The following GTF3C4 variants were observed in gnomAD, a reference collection of about 807,000 sequenced individuals.
The protein encoded by GTF3C4 is general transcription factor 3C polypeptide 4.
GTF3C4 carries 28 observed loss-of-function variants against 67.5 expected under a neutral mutation model. The ratio of observed to expected loss-of-function variants is 0.41; its 90% CI spans 0.31 to 0.57. The LOEUF (loss-of-function observed/expected upper bound fraction) is 0.57. Among genes scored for constraint, GTF3C4 ranks in the 20% least tolerant of loss-of-function variants. The pLI, the probability that GTF3C4 is intolerant of heterozygous loss-of-function variation, is 0.21. For missense variants in GTF3C4, 831 were observed against 1,033.2 expected, an observed-to-expected ratio of 0.80 and a Z score of 2.68; for synonymous variants, 409 against 393.0, an observed-to-expected ratio of 1.04 and a Z score of -0.48.
chr9:132,670,361 G>C, upstream of GTF3C4: 1 of 1,335,806 alleles, frequency 7.5e-7, no homozygotes, highest in Non-Finnish European at 9.8e-7. Context: ...CCTGGGCAGG[G>C]AAAAGGGGGT....
At chr9:132,682,101 TAAA>T (rs1271067455) in intron 2 of GTF3C4, among the ~76,000 whole-genome samples, 1 of 151,868 alleles carries the variant, frequency 6.6e-6, no homozygotes, top group Non-Finnish European at 1.5e-5. Flanking sequence ...GACCCTGTCT[TAAA>T]AAGGAAAAAG....
At chr9:132,675,573 T>C (rs1166999365) in intron 1 of GTF3C4, among the ~76,000 whole-genome samples, 1 of 152,182 alleles carries the variant, frequency 6.6e-6, no homozygotes, top group Non-Finnish European at 1.5e-5. Flanking sequence ...GGCTCTGTTG[T>C]TTAAAAAGGC....
chr9:132,675,422 A>G (rs1211171401), intron 1 of GTF3C4, among the ~76,000 whole-genome samples: 2 of 152,198 alleles, frequency 1.3e-5, no homozygotes, highest in Non-Finnish European at 2.9e-5. Context: ...TTCTCCAGCA[A>G]GTTTCATAGT....
At chr9:132,688,719 C>T (rs992534400) in intron 4 of GTF3C4, among the ~76,000 whole-genome samples, 162 bp from the exon 5 acceptor site, 3 of 152,124 alleles carry the variant, frequency 2.0e-5, no homozygotes, top group Admixed American at 6.6e-5. Context: ...TGATAGAAAC[C>T]GAAGCCCAAA....
intron 4 of GTF3C4, among the ~76,000 whole-genome samples, chr9:132,687,573 C>T (rs1393037038): frequency 2.6e-5 from 4 of 152,156 alleles, no homozygotes; most frequent in African/African-American, 7.2e-5. Context: ...AGTTTGTCTG[C>T]GTTGCTATTC....
In GTF3C4 at chr9:132,673,115, G is replaced by A. The variant is rs368204665; in HGVS notation, c.357+2160G>A. ...GGAGAATGGCGTGAATCCGGGAGGC[G>A]GAGCTTGCTATGAGCCAAGATTGCG... is the stretch of plus-strand genomic sequence containing the variant. On this transcript the variant is annotated intron_variant, in intron 1 of 4. Coordinates refer to ENST00000372146, the MANE Select transcript of GTF3C4 (RefSeq NM_012204.4). 4.3e-4 allele frequency among the ~76,000 whole-genome samples: 65 copies of A among 152,276 alleles called. 1 individual carries two copies. In the East Asian group the frequency reaches 0.01, roughly 24 times the overall value.
rs1461038862 is a variant in GTF3C4 at position 132,687,230 on chromosome 9, T to TG, written c.2316-9_2316-8insG. 3.2e-6 allele frequency: 5 copies of TG among 1,544,710 alleles called. No homozygotes were observed. The Admixed American group carries it at 6.7e-5, about 21-fold the overall frequency. On this transcript the variant is annotated splice_polypyrimidine_tract_variant and intron_variant, in intron 3 of 4. Coordinates refer to ENST00000372146, the MANE Select transcript of GTF3C4 (RefSeq NM_012204.4). ...CTCTCCCTTGCCAATACAGTCTGTC[T>TG]TCTTTCAGGTGCTTCTTAACCTACC...
Position 132,689,643 on chromosome 9 carries a change from T to C in GTF3C4, c.*698T>C, listed in dbSNP as rs1236521027. On this transcript the variant is annotated 3_prime_UTR_variant, in exon 5 of 5. Transcript: ENST00000372146. ...TCATTCTCTCCTGGGTCATCAGGTT[T>C]CCTGACCCAACTCCTTAATCCGTAT... 6.6e-6 allele frequency: 1 copy of C among 152,270 alleles called. No individual in the cohort carries two copies. Among genetic ancestry groups the C allele is most frequent in the Non-Finnish European group, 1.5e-5 (1 of 68,090 alleles). 9.4% of individuals were successfully genotyped at this position (152,270 alleles called of 1,614,324 possible).
In GTF3C4 at chr9:132,678,875, C is replaced by G. The variant is rs1835901806; in HGVS notation, c.1256C>G (p.Thr419Arg). 1 of 1,614,080 alleles carries G rather than the reference C, an allele frequency of 6.2e-7. No homozygotes were observed. The highest frequency in any genetic ancestry group is 1.3e-5 in the African/African-American group (1 of 74,938). The change falls in exon 2 of 5, where the codon ACA (threonine) becomes AGA (arginine). Residue 419 changes from threonine (T) to arginine (R), a missense_variant. Thr to Arg is a moderately conservative substitution (Grantham distance 71, BLOSUM62 -1). Transcript: ENST00000372146. This position sits in a 1 kb window ranked among gnomAD's most constrained non-coding sequence, Gnocchi z 6.5. The stretch of plus-strand genomic sequence containing the variant: ...CTGAATGTTCACAATTCCCATGTCA[C>G]AGGCCTTCACTCACTGCCAATTGTC... ...AGLNVHNSHV[T>R]GLHSLPIVSM...
In GTF3C4 at chr9:132,670,846, C is replaced by T; in HGVS notation, c.248C>T (p.Ala83Val). ...SEDHRVSVST[A>V]RSIAVLELIC... ...GACCACCGCGTGTCTGTGTCCACGG[C>T]CCGCAGCATCGCTGTGCTGGAGCTC... The change falls in exon 1 of 5, where the codon GCC becomes GTC. Residue 83 changes from alanine (A) to valine (V), a missense_variant. Ala to Val is a moderately conservative substitution (Grantham distance 64, BLOSUM62 0). This residue lies in a region of GTF3C4 where 237 missense variants were observed against 212.7 expected (regional missense o/e 1.11). Coordinates refer to ENST00000372146, the MANE Select transcript of GTF3C4 (RefSeq NM_012204.4). 1.2e-6 allele frequency: 2 copies of T among 1,611,146 alleles called. No homozygotes were observed. Among genetic ancestry groups the T allele is most frequent in the Non-Finnish European group, 1.7e-6 (2 of 1,179,730 alleles).
chr9:132,679,365 G>A lies in GTF3C4; in HGVS notation c.1746G>A (p.Arg582=). ...YFWRFKLFLL[R]ILYQSMQKTP... ...GGCGTTTTAAGCTTTTCCTCCTGAG[G>A]ATTTTATATCAGTCAATGCAGAAAA... The change falls in exon 2 of 5, where the codon AGG becomes AGA. Residue 582 remains arginine, a synonymous_variant. Transcript: ENST00000372146. This position sits in a 1 kb window ranked among gnomAD's most constrained non-coding sequence, Gnocchi z 5.9. 1 of 1,614,172 alleles carries A rather than the reference G, an allele frequency of 6.2e-7. No homozygotes were observed. The highest frequency in any genetic ancestry group is 8.5e-7 in the Non-Finnish European group (1 of 1,180,022).
chr9:132,673,871 CAATG>C (rs1216008069), intron 1 of GTF3C4, among the ~76,000 whole-genome samples: 1 of 152,120 alleles, frequency 6.6e-6, no homozygotes, highest in African/African-American at 2.4e-5. Context: ...ATCTGAAAAG[CAATG>C]AAATAGTGAT....
intron 1 of GTF3C4, 126 bp from the exon 2 acceptor site, chr9:132,677,851 C>T (rs1835884091): frequency 6.6e-6 from 5 of 757,384 alleles, no homozygotes; most frequent in Non-Finnish European, 1.1e-5. Context: ...ATCTCTCTTG[C>T]ATATATTAAT....
chr9:132,683,488 C>T (rs1349042592), intron 2 of GTF3C4, 75 bp from the exon 3 acceptor site: 17 of 1,304,452 alleles, frequency 1.3e-5, no homozygotes, highest in Non-Finnish European at 1.8e-5. Context: ...TTAATTTTCC[C>T]TTTGTGTTTG....
At chr9:132,688,148 T>G (rs931056657) in intron 4 of GTF3C4, among the ~76,000 whole-genome samples, 11 of 152,318 alleles carry the variant, frequency 7.2e-5, no homozygotes, top group African/African-American at 2.6e-4. Context: ...AAGAGAAGGG[T>G]ATAATAAACC....
intron 3 of GTF3C4, among the ~76,000 whole-genome samples, chr9:132,685,947 T>C (rs956503637): frequency 2.6e-5 from 4 of 152,200 alleles, no homozygotes; most frequent in Admixed American, 6.5e-5. Context: ...CTGACGAATA[T>C]TGAAGGCAAA....
intron 1 of GTF3C4, 34 bp downstream of exon 1, chr9:132,670,989 C>T (rs777679315): frequency 1.1e-5 from 15 of 1,420,368 alleles, no homozygotes; most frequent in Middle Eastern, 3.5e-4. Context: ...GGGGTCTTCC[C>T]CTGTCCCCCT....
chr9:132,677,274 C>T (rs147676761), intron 1 of GTF3C4, among the ~76,000 whole-genome samples: 2,523 of 152,188 alleles, frequency 0.017, 83 homozygotes, highest in African/African-American at 0.058. Context: ...TGGTGGTGCA[C>T]GCTTGTAATC....
Position 132,679,231 on chromosome 9 carries a change from G to C in GTF3C4, c.1612G>C (p.Asp538His), listed in dbSNP as rs1184490654. Reference protein sequence around the residue: ...SSVQNLFKQVDLIDLVRWKIL... With the variant: ...SSVQNLFKQVHLIDLVRWKIL... ...AGTTCAAAACCTTTTTAAGCAGGTAGATTTAATAGACCTAGTACGCTGGAA... is the reference window on the plus strand; with the variant it reads ...AGTTCAAAACCTTTTTAAGCAGGTACATTTAATAGACCTAGTACGCTGGAA... Residue 538 changes from aspartate (D) to histidine (H), a missense_variant, in exon 2 of 5, where the codon GAT (aspartate) becomes CAT (histidine). Physicochemically the swap from Asp to His is moderately conservative, Grantham distance 81. This residue lies in a region of GTF3C4 where 390 missense variants were observed against 540.3 expected (regional missense o/e 0.72). Coordinates refer to ENST00000372146, the MANE Select transcript of GTF3C4 (RefSeq NM_012204.4). This position sits in a 1 kb window ranked among gnomAD's most constrained non-coding sequence, Gnocchi z 5.9. The C allele has an allele frequency of 3.7e-6, 6 of 1,613,926 alleles. No homozygotes were observed. The highest frequency in any genetic ancestry group is 5.1e-6 in the Non-Finnish European group (6 of 1,179,876).
Sources: gnomAD v4.1 joint callset for allele counts (sites outside exome capture counted in the v4.1 genomes callset) on GRCh38, gnomAD v4.1.1 for gene constraint, gnomAD v4.1.1 regional missense constraint, Gnocchi (gnomAD v3.1) non-coding constraint, MANE v1.5 for transcripts, NCBI Gene and HGNC (gene_info 2026-07-23, HGNC 2026-07-21) for gene names.